ANKS1B: variants seen among roughly 807,000 people sequenced by gnomAD.
ANKS1B encodes the protein ankyrin repeat and sterile alpha motif domain containing 1B.
ANKS1B carries 36 observed loss-of-function variants against 148.3 expected under a neutral mutation model. The ratio of observed to expected loss-of-function variants is 0.24; its 90% CI spans 0.19 to 0.32. The LOEUF is 0.32. Ranked by LOEUF, ANKS1B falls within the 10% of genes least tolerant of loss-of-function variation. The pLI is 1.00. For synonymous variants in ANKS1B, 542 were observed against 560.8 expected (o/e 0.97, Z 0.47); for missense variants, 1,157 against 1,542.6 (o/e 0.75, Z 4.19).
At chr12:98,824,373 A>G (rs1402990023) in intron 19 of ANKS1B, among the ~76,000 whole-genome samples, 1 of 152,240 alleles carries the variant, frequency 6.6e-6, no homozygotes, top group Non-Finnish European at 1.5e-5. Flanking sequence ...ATAGAATGCT[A>G]CAACCACCGG....
At chr12:99,161,128 C>G (rs1181294080) in intron 14 of ANKS1B, among the ~76,000 whole-genome samples, 6 of 152,132 alleles carry the variant, frequency 3.9e-5, no homozygotes, top group Non-Finnish European at 7.4e-5. Context: ...GGAAGTATGG[C>G]CATTTTAACC....
chr12:98,946,077 C>A (rs117376610), intron 17 of ANKS1B, among the ~76,000 whole-genome samples: 1,975 of 152,288 alleles, frequency 0.013, 15 homozygotes, highest in Non-Finnish European at 0.019. Context: ...CCCAGTGAGG[C>A]AACTTGTTGC....
At chr12:98,990,772 T>C (rs2099926165) in intron 17 of ANKS1B, among the ~76,000 whole-genome samples, 1 of 152,232 alleles carries the variant, frequency 6.6e-6, no homozygotes, top group Non-Finnish European at 1.5e-5. Flanking sequence ...GCAGACTGTC[T>C]GGTGATATCT....
At chr12:99,167,229 A>G (rs1365369888) in intron 14 of ANKS1B, among the ~76,000 whole-genome samples, 1 of 152,086 alleles carries the variant, frequency 6.6e-6, no homozygotes, top group Admixed American at 6.6e-5. Context: ...CAATTATAAA[A>G]GAAAAAAATG....
chr12:99,268,354 T>C (rs2076674300), intron 12 of ANKS1B, among the ~76,000 whole-genome samples: 1 of 152,234 alleles, frequency 6.6e-6, no homozygotes. Flanking sequence ...CCTAAGTTGT[T>C]AAGCAGTTGC....
intron 9 of ANKS1B, among the ~76,000 whole-genome samples, chr12:99,579,204 T>A (rs935633496): frequency 2.0e-5 from 3 of 152,192 alleles, no homozygotes; most frequent in African/African-American, 7.2e-5. Flanking sequence ...CAACTCGAGT[T>A]GGATTAAACA....
At chr12:99,416,636 C>CTACATA (rs1260337387) in intron 11 of ANKS1B, among the ~76,000 whole-genome samples, 62 of 152,300 alleles carry the variant, frequency 4.1e-4, no homozygotes, top group Non-Finnish European at 4.4e-5. Flanking sequence ...TTGCTGCCAT[C>CTACATA]TACATATCCT....
At chr12:99,457,277 A>G (rs1191577498) in intron 10 of ANKS1B, among the ~76,000 whole-genome samples, 1 of 152,128 alleles carries the variant, frequency 6.6e-6, no homozygotes, top group Non-Finnish European at 1.5e-5. Flanking sequence ...TTTAACCTCT[A>G]AATCTTGAAA....
At chr12:99,078,241 T>C (rs901311155) in intron 16 of ANKS1B, among the ~76,000 whole-genome samples, 5 of 152,218 alleles carry the variant, frequency 3.3e-5, no homozygotes, top group Non-Finnish European at 4.4e-5. Context: ...TTAGAACCCG[T>C]TTTATTTGCT....
At chr12:99,312,531 T>C (rs1463212160) in intron 12 of ANKS1B, among the ~76,000 whole-genome samples, 1 of 152,138 alleles carries the variant, frequency 6.6e-6, no homozygotes, top group Non-Finnish European at 1.5e-5. Flanking sequence ...TCTTCCAAAA[T>C]GACGACATAG....
At chr12:99,601,892 C>T (rs909114048) in intron 9 of ANKS1B, among the ~76,000 whole-genome samples, 3 of 151,876 alleles carry the variant, frequency 2.0e-5, no homozygotes, top group Non-Finnish European at 4.4e-5. Context: ...GGTATAGGTC[C>T]GGACCCCTTC....
intron 10 of ANKS1B, among the ~76,000 whole-genome samples, chr12:99,457,491 G>A (rs2095866378): frequency 6.6e-6 from 1 of 152,030 alleles, no homozygotes; most frequent in Non-Finnish European, 1.5e-5. Context: ...TGGTAGAATG[G>A]ATGAGAATTC....
intron 15 of ANKS1B, among the ~76,000 whole-genome samples, chr12:99,090,448 A>G (rs1295292798): frequency 2.0e-5 from 3 of 152,162 alleles, no homozygotes. Context: ...GACTAAAAAA[A>G]TCAAGATGAT....
chr12:98,861,537 G>A (rs2099599287), intron 17 of ANKS1B, among the ~76,000 whole-genome samples: 1 of 152,200 alleles, frequency 6.6e-6, no homozygotes, highest in African/African-American at 2.4e-5. Context: ...GCCTGGAATG[G>A]AGGAGTTAAT....
At chr12:99,901,668 A>G (rs1171059896) in intron 1 of ANKS1B, among the ~76,000 whole-genome samples, 1 of 152,150 alleles carries the variant, frequency 6.6e-6, no homozygotes. Flanking sequence ...TACTCCACTC[A>G]ACAAAGCCAA....
chr12:99,560,586 C>T (rs984301313), intron 9 of ANKS1B, among the ~76,000 whole-genome samples: 8 of 152,050 alleles, frequency 5.3e-5, no homozygotes, highest in Non-Finnish European at 1.0e-4. Flanking sequence ...TTTCATTTCA[C>T]CCGGGCATAT....
At chr12:99,211,462 T>C (rs2083334405) in intron 14 of ANKS1B, among the ~76,000 whole-genome samples, 1 of 152,208 alleles carries the variant, frequency 6.6e-6, no homozygotes, top group African/African-American at 2.4e-5. Flanking sequence ...CTATTTCTGC[T>C]TTCCTCAACT....
At position 98,863,303 on chromosome 12, in the gene ANKS1B, G is replaced by A. The variant is rs928733982; in HGVS notation, c.2779-31167C>T. Reference sequence around the variant, plus strand: ...AAACAGTGGGGTTTTTCTGCAGCTCGGCTGGATCCCAGCTTCTATGACCTC... The same window carrying A: ...AAACAGTGGGGTTTTTCTGCAGCTCAGCTGGATCCCAGCTTCTATGACCTC... On this transcript the variant is annotated intron_variant, in intron 17 of 26. Transcript: ENST00000683438. 6.6e-5 allele frequency among the ~76,000 whole-genome samples: 10 copies of A among 152,110 alleles called. 1 individual carries two copies. In the South Asian group the frequency reaches 8.3e-4, roughly 13 times the overall value.
intron 22 of ANKS1B, among the ~76,000 whole-genome samples, chr12:98,791,072 C>T (rs11109607): frequency 0.26 from 39,128 of 152,116 alleles, 5,417 homozygotes; most frequent in Non-Finnish European, 0.32. Flanking sequence ...AGAGGCTGGG[C>T]GTGGTGGCTC....
Sources: gnomAD v4.1 joint callset for allele counts (sites outside exome capture counted in the v4.1 genomes callset) on GRCh38, gnomAD v4.1.1 for gene constraint, MANE v1.5 for transcripts, NCBI Gene and HGNC (gene_info 2026-07-23, HGNC 2026-07-21) for gene names.